ATRN: variants seen among roughly 807,000 people sequenced by gnomAD.
ATRN encodes attractin, also known as attractin-2.
ATRN carries 54 observed loss-of-function variants against 178.7 expected under a neutral mutation model. That is an observed-to-expected ratio of 0.30 (90% CI 0.24 to 0.38). The LOEUF is 0.38. ATRN is among the 10% of genes least tolerant of loss of function. The probability of loss-of-function intolerance (pLI) is 1.00; values close to 1 mark genes in which losing one functional copy is unlikely to be tolerated. For synonymous variants in ATRN, 636 were observed against 663.0 expected, an observed-to-expected ratio of 0.96 and a Z score of 0.63; for missense variants, 1,443 against 1,815.1, an observed-to-expected ratio of 0.79 and a Z score of 3.73.
At chr20:3,591,336 G>A in intron 19 of ATRN, 30 bp downstream of exon 19, 1 of 1,605,668 alleles carries the variant, frequency 6.2e-7, no homozygotes, top group Non-Finnish European at 8.5e-7. Flanking sequence ...TTTACTCATG[G>A]CAAATCGGTG....
intron 24 of ATRN, 32 bp downstream of exon 24, chr20:3,604,294 A>C (rs746417854): frequency 6.4e-7 from 1 of 1,554,564 alleles, no homozygotes; most frequent in African/African-American, 1.4e-5. Context: ...CATACCTGCA[A>C]AGGTGGTGAA....
chr20:3,624,599 T>G, intron 25 of ATRN, 27 bp downstream of exon 25: 1 of 1,573,592 alleles, frequency 6.4e-7, no homozygotes. Context: ...AGACTCTCTC[T>G]GTTCTTTTGA....
At chr20:3,539,953 G>A (rs1444262859) in intron 2 of ATRN, among the ~76,000 whole-genome samples, 3 of 152,164 alleles carry the variant, frequency 2.0e-5, no homozygotes, top group Non-Finnish European at 4.4e-5. Flanking sequence ...GGGCTAATGG[G>A]TTGGTTCAGA....
At chr20:3,575,796 C>G (rs535606976) in intron 12 of ATRN, 31 bp from the exon 13 acceptor site, 2 of 1,578,434 alleles carry the variant, frequency 1.3e-6, no homozygotes, top group African/African-American at 1.4e-5. Context: ...TTGAAGTTGT[C>G]CCAGTTCATG....
intron 1 of ATRN, among the ~76,000 whole-genome samples, chr20:3,533,266 C>A (rs558999864): frequency 6.6e-6 from 1 of 152,202 alleles, no homozygotes; most frequent in South Asian, 2.1e-4. Context: ...TGGAAATCAT[C>A]CATCAGATGT....
In ATRN at chr20:3,646,778, C is replaced by CA; in HGVS notation, c.4223dup (p.Glu1409GlyfsTer34). The CA allele has an allele frequency of 6.2e-7, 1 of 1,609,612 alleles. No individual in the cohort carries two copies. Among genetic ancestry groups the CA allele is most frequent in the Non-Finnish European group, 8.5e-7 (1 of 1,178,060 alleles). The stretch of plus-strand genomic sequence containing the variant: ...TTTCTCAGCAGATGCCGATAGTGTA[C>CA]AAGGAGAAGTCAGGAGCCGTGAGAA... On this transcript the variant is annotated frameshift_variant, in exon 29 of 29. Coordinates refer to ENST00000262919, the MANE Select transcript of ATRN (RefSeq NM_139321.3). LOFTEE classifies it high-confidence loss of function.
chr20:3,585,417 G>A (rs550628141), intron 18 of ATRN, among the ~76,000 whole-genome samples: 1 of 152,174 alleles, frequency 6.6e-6, no homozygotes, highest in Non-Finnish European at 1.5e-5. Context: ...AACAGAAAAA[G>A]TGGTTATTGG....
At chr20:3,635,517 T>C (rs1301907633) in intron 26 of ATRN, among the ~76,000 whole-genome samples, 3 of 152,222 alleles carry the variant, frequency 2.0e-5, no homozygotes, top group Non-Finnish European at 4.4e-5. Context: ...GCATTGTTGC[T>C]AATGGAAATG....
chr20:3,489,998 A>T, intron 1 of ATRN: 1 of 982,252 alleles, frequency 1.0e-6, no homozygotes, highest in East Asian at 2.4e-5. Context: ...GTGCATTTTC[A>T]TGAGTGAGAT....
At chr20:3,543,820 C>G (rs2085660279) in intron 3 of ATRN, among the ~76,000 whole-genome samples, 1 of 151,938 alleles carries the variant, frequency 6.6e-6, no homozygotes, top group Admixed American at 6.6e-5. Flanking sequence ...ATTACTTGAT[C>G]CCAGGAGTTC....
intron 1 of ATRN, among the ~76,000 whole-genome samples, chr20:3,505,644 C>T (rs538783972): frequency 3.3e-5 from 5 of 152,074 alleles, no homozygotes; most frequent in South Asian, 2.1e-4. Flanking sequence ...TTAACTTGAA[C>T]GTAAATGGAC....
chr20:3,544,583 A>G (rs761923528), intron 3 of ATRN, among the ~76,000 whole-genome samples: 11 of 152,212 alleles, frequency 7.2e-5, no homozygotes, highest in Non-Finnish European at 1.6e-4. Flanking sequence ...GGTAGACATA[A>G]GAAAAACAAT....
Position 3,547,266 on chromosome 20 carries a change from T to G in ATRN, c.738-18T>G. 6.9e-6 allele frequency: 11 copies of G among 1,589,396 alleles called. No homozygotes were observed. The African/African-American group carries it at 8.1e-5, about 12-fold the overall frequency. ...GCGTTGCGTTGTGTTAATGTAATTTTCCCTGCTATTTTTACAGTTTTGATA... is the reference window on the plus strand; with the variant it reads ...GCGTTGCGTTGTGTTAATGTAATTTGCCCTGCTATTTTTACAGTTTTGATA... On this transcript the variant is annotated intron_variant, in intron 4 of 28. Coordinates refer to ENST00000262919, the MANE Select transcript of ATRN (RefSeq NM_139321.3).
At chr20:3,547,211 G>A in intron 4 of ATRN, 73 bp from the exon 5 acceptor site, 1 of 1,177,488 alleles carries the variant, frequency 8.5e-7, no homozygotes, top group Non-Finnish European at 1.3e-6. Flanking sequence ...TTAAACTTGT[G>A]TGGGAGGAAG....
At chr20:3,542,866 T>G (rs1337476001) in intron 3 of ATRN, among the ~76,000 whole-genome samples, 1 of 150,848 alleles carries the variant, frequency 6.6e-6, no homozygotes. Flanking sequence ...CTTGAACTCC[T>G]GGGCTCAAGC....
chr20:3,598,499 A>G (rs893033249), intron 22 of ATRN, among the ~76,000 whole-genome samples: 3 of 152,200 alleles, frequency 2.0e-5, no homozygotes, highest in Non-Finnish European at 4.4e-5. Flanking sequence ...CCTCATTAGG[A>G]GGCAAAACAG....
At chr20:3,492,473 G>A (rs745971634) in intron 1 of ATRN, among the ~76,000 whole-genome samples, 2 of 152,088 alleles carry the variant, frequency 1.3e-5, no homozygotes, top group African/African-American at 4.8e-5. Flanking sequence ...GTGCTTAGTA[G>A]GCTTTGTGGT....
intron 1 of ATRN, among the ~76,000 whole-genome samples, chr20:3,477,750 A>G (rs190808814): frequency 5.3e-5 from 8 of 152,246 alleles, no homozygotes; most frequent in Non-Finnish European, 1.2e-4. Context: ...TGAGCAGTAA[A>G]TATCTGTTGA....
chr20:3,538,935 C>T (rs528591700), intron 2 of ATRN, among the ~76,000 whole-genome samples: 5 of 152,298 alleles, frequency 3.3e-5, no homozygotes, highest in East Asian at 3.9e-4. Flanking sequence ...CTGTTCCCTC[C>T]GTCTGAAACG....
Sources: allele counts gnomAD v4.1 joint callset (sites outside exome capture counted in the v4.1 genomes callset), GRCh38; gene constraint gnomAD v4.1.1; transcripts MANE v1.5; gene names NCBI Gene and HGNC (gene_info 2026-07-23, HGNC 2026-07-21).